Variants in TSHZ2 observed in about 807,000 individuals in gnomAD.
TSHZ2 encodes the protein teashirt zinc finger homeobox 2, also known as teashirt homolog 2.
A neutral mutation model predicts 74.4 loss-of-function variants in TSHZ2; 21 were observed. The ratio of observed to expected loss-of-function variants is 0.28; its 90% CI spans 0.20 to 0.41. The LOEUF (loss-of-function observed/expected upper bound fraction) is 0.41. Among genes scored for constraint, TSHZ2 ranks in the 10% least tolerant of loss-of-function variants. The pLI, the probability that TSHZ2 is intolerant of heterozygous loss-of-function variation, is 1.00. For missense variants in TSHZ2, 1,244 were observed against 1,293.5 expected (o/e 0.96, Z 0.59); for synonymous variants, 540 against 515.3 (o/e 1.05, Z -0.65).
intron 1 of TSHZ2, among the ~76,000 whole-genome samples, chr20:53,066,180 C>A (rs1371987615): frequency 6.6e-6 from 1 of 152,134 alleles, no homozygotes; most frequent in Non-Finnish European, 1.5e-5. Flanking sequence ...CTTTACAAGG[C>A]ATTGGAACAG....
intron 1 of TSHZ2, among the ~76,000 whole-genome samples, chr20:53,156,094 A>C (rs568355374): frequency 6.6e-6 from 1 of 152,194 alleles, no homozygotes; most frequent in Non-Finnish European, 1.5e-5. Flanking sequence ...AGCTTGCCAC[A>C]GTCCTCACCA....
chr20:53,404,972 C>G (rs371785997), intron 2 of TSHZ2, among the ~76,000 whole-genome samples: 1 of 152,142 alleles, frequency 6.6e-6, no homozygotes. Flanking sequence ...TAAAGTTGGC[C>G]GGGCATGGCA....
chr20:53,071,163 A>G (rs1453411835), intron 1 of TSHZ2, among the ~76,000 whole-genome samples: 1 of 152,214 alleles, frequency 6.6e-6, no homozygotes, highest in African/African-American at 2.4e-5. Flanking sequence ...CCATTTGGTG[A>G]ACTGGTGAAT....
At chr20:53,071,655 G>C (rs894205531) in intron 1 of TSHZ2, among the ~76,000 whole-genome samples, 1 of 152,150 alleles carries the variant, frequency 6.6e-6, no homozygotes, top group African/African-American at 2.4e-5. Context: ...CTTGCTTGTA[G>C]TTCTTAAAGC....
At chr20:53,049,386 T>C (rs1260151509) in intron 1 of TSHZ2, among the ~76,000 whole-genome samples, 1 of 152,052 alleles carries the variant, frequency 6.6e-6, no homozygotes, top group Non-Finnish European at 1.5e-5. Flanking sequence ...CCCGTCTTCA[T>C]GGTTAACATA....
chr20:53,145,881 G>C (rs893492592), intron 1 of TSHZ2, among the ~76,000 whole-genome samples: 1 of 152,224 alleles, frequency 6.6e-6, no homozygotes, highest in African/African-American at 2.4e-5. Flanking sequence ...TCCTAGCACA[G>C]TTGTAATGAC....
rs528092771 is a variant in TSHZ2, at chr20:53,241,891, T to G, written c.41-11608T>G. Among the ~76,000 whole-genome samples, 32 of 152,308 alleles carry G rather than the reference T, an allele frequency of 2.1e-4. No individual in the cohort carries two copies. The East Asian group carries it at 6.0e-3, about 28-fold the overall frequency. On this transcript the variant is annotated intron_variant, in intron 1 of 2. Transcript: ENST00000371497. ...TGGGCTTGCTGTAGACCTTGTTCTC[T>G]TCCATCCTGTAACACCTATGAGGGT...
intron 1 of TSHZ2, among the ~76,000 whole-genome samples, chr20:53,097,381 T>A (rs1327905626): frequency 6.6e-6 from 1 of 152,034 alleles, no homozygotes; most frequent in Non-Finnish European, 1.5e-5. Flanking sequence ...AATACCCAGA[T>A]GACTGTTATT....
intron 1 of TSHZ2, among the ~76,000 whole-genome samples, chr20:53,215,590 G>C (rs1004320288): frequency 2.0e-5 from 3 of 151,112 alleles, no homozygotes; most frequent in Non-Finnish European, 1.5e-5. Context: ...AGAAAGGCTG[G>C]GCACGGTGGC....
chr20:53,400,235 T>C (rs1176852285), intron 2 of TSHZ2: 1 of 152,286 alleles, frequency 6.6e-6, no homozygotes, highest in Admixed American at 6.5e-5. Flanking sequence ...CCTCAGTGCC[T>C]GCTAGATGTC....
At chr20:53,195,924 T>G (rs1352964440) in intron 1 of TSHZ2, among the ~76,000 whole-genome samples, 1 of 152,186 alleles carries the variant, frequency 6.6e-6, no homozygotes, top group Non-Finnish European at 1.5e-5. Context: ...ACGGAGAGCC[T>G]GCAGATTAAT....
intron 1 of TSHZ2, among the ~76,000 whole-genome samples, chr20:53,040,320 T>C (rs1983991553): frequency 6.6e-6 from 1 of 152,156 alleles, no homozygotes; most frequent in African/African-American, 2.4e-5. Context: ...TGGAGCCGCA[T>C]GGCACCTGTG....
At chr20:53,361,642 T>C (rs528453390) in intron 2 of TSHZ2, among the ~76,000 whole-genome samples, 1 of 152,312 alleles carries the variant, frequency 6.6e-6, no homozygotes, top group South Asian at 2.1e-4. Flanking sequence ...TAGTCAGCTT[T>C]CCAGAAATTA....
chr20:53,212,443 G>A (rs537607895), intron 1 of TSHZ2, among the ~76,000 whole-genome samples: 3 of 152,190 alleles, frequency 2.0e-5, no homozygotes, highest in East Asian at 1.9e-4. Context: ...AATTCTTTAC[G>A]GGAACACAGG....
At chr20:53,371,739 GGTGGCACATGCCT>G (rs2145623582) in intron 2 of TSHZ2, among the ~76,000 whole-genome samples, 1 of 152,024 alleles carries the variant, frequency 6.6e-6, no homozygotes, top group South Asian at 2.1e-4. Context: ...AGCGGGGCAT[GGTGGCACATGCCT>G]GTAGTCCCAG....
chr20:53,069,403 G>A (rs1048210710), intron 1 of TSHZ2, among the ~76,000 whole-genome samples: 2 of 151,924 alleles, frequency 1.3e-5, no homozygotes, highest in Admixed American at 6.6e-5. Context: ...CATCTGTCCC[G>A]TATGCAGCCC....
chr20:53,118,087 G>A (rs1809551600), intron 1 of TSHZ2, among the ~76,000 whole-genome samples: 1 of 152,172 alleles, frequency 6.6e-6, no homozygotes, highest in Non-Finnish European at 1.5e-5. Flanking sequence ...TGTTTGATCG[G>A]CATGCTTAGA....
chr20:53,256,694 G>A lies in TSHZ2; in HGVS notation c.*8+123G>A, dbSNP rs1990491923. The A allele has an allele frequency of 7.2e-7, 1 of 1,398,116 alleles. No individual in the cohort carries two copies. Among genetic ancestry groups the A allele is most frequent in the African/African-American group, 1.4e-5 (1 of 69,780 alleles). The allele number at this position is 1,398,116 out of a possible 1,614,324, so 86.6% of individuals were successfully genotyped here. ...AGCAGGATAGTAGCTTGCTGGAGTA[G>A]GATTTATTTTAATGAAAGACCAGAA... On this transcript the variant is annotated intron_variant, in intron 2 of 2. Transcript: ENST00000371497. The surrounding 1 kb of genome is among the most constrained non-coding windows in gnomAD (Gnocchi z 4.3).
Position 53,186,775 on chromosome 20 carries a change from G to A in TSHZ2, c.41-66724G>A, listed in dbSNP as rs552096687. Among the ~76,000 whole-genome samples, 4 of 152,220 alleles carry A rather than the reference G, an allele frequency of 2.6e-5. No individual in the cohort carries two copies. The South Asian group carries it at 8.3e-4, about 32-fold the overall frequency. On this transcript the variant is annotated intron_variant, in intron 1 of 2. Transcript: ENST00000371497. The stretch of plus-strand genomic sequence containing the variant: ...ACCTAAATACAACCACACGGGGGAG[G>A]GAGGCAGCAGCCGTATTAACAATCT...
Sources: allele counts gnomAD v4.1 joint callset (sites outside exome capture counted in the v4.1 genomes callset), GRCh38; gene constraint gnomAD v4.1.1; non-coding constraint Gnocchi (gnomAD v3.1); transcripts MANE v1.5; gene names NCBI Gene and HGNC (gene_info 2026-07-23, HGNC 2026-07-21).